ADAM7: variants seen among roughly 807,000 people sequenced by gnomAD.
ADAM7 encodes ADAM metallopeptidase domain 7.
A neutral mutation model predicts 102.9 loss-of-function variants in ADAM7; 97 were observed. That is an observed-to-expected ratio of 0.94 (90% CI 0.80 to 1.12). The LOEUF (loss-of-function observed/expected upper bound fraction) is 1.12. Ranked by LOEUF, ADAM7 falls within the 50% of genes most tolerant of loss-of-function variation. ADAM7 has a pLI of 0.00. For missense variants in ADAM7, 991 were observed against 908.7 expected (o/e 1.09, Z -1.16); for synonymous variants, 334 against 304.4 (o/e 1.10, Z -1.01).
At chr8:24,453,734 A>T (rs11992477) in intron 3 of ADAM7, among the ~76,000 whole-genome samples, 9,942 of 152,178 alleles carry the variant, frequency 0.065, 493 homozygotes, top group African/African-American at 0.13. Context: ...GCTCTCCTTT[A>T]TAGAGTTTCC....
chr8:24,446,870 A>T (rs549586900), intron 2 of ADAM7, among the ~76,000 whole-genome samples: 1 of 148,956 alleles, frequency 6.7e-6, no homozygotes, highest in Non-Finnish European at 1.5e-5. Flanking sequence ...CTATATTATA[A>T]CATGCTATGT....
chr8:24,486,862 T>TA (rs538270830), intron 10 of ADAM7, among the ~76,000 whole-genome samples: 73 of 152,270 alleles, frequency 4.8e-4, no homozygotes, highest in African/African-American at 1.7e-3. Flanking sequence ...TTTGAAGAGG[T>TA]AAAAATCATA....
chr8:24,469,255 A>G (rs745352693), intron 7 of ADAM7, among the ~76,000 whole-genome samples: 1 of 152,148 alleles, frequency 6.6e-6, no homozygotes, highest in Non-Finnish European at 1.5e-5. Context: ...GAAGCACAAT[A>G]CTGAAATTTG....
chr8:24,508,774 TGTG>T lies in ADAM7; in HGVS notation c.*231_*233del. 3.0e-6 allele frequency: 4 copies of T among 1,353,926 alleles called. No homozygotes were observed. The highest frequency in any genetic ancestry group is 2.1e-5 in the South Asian group (1 of 48,696). 83.9% of individuals were successfully genotyped at this position (1,353,926 alleles called of 1,614,324 possible). A position where few individuals can be genotyped will look rare whatever the true frequency, so the allele number is the denominator to read the frequency against. ...CATATGCTGCAGAAAAAAAATGTCT[TGTG>T]GTCTTTCAAATGCTCTTTAGCACAA... On this transcript the variant is annotated 3_prime_UTR_variant, in exon 22 of 22. Transcript: ENST00000175238.
At chr8:24,459,454 T>A (rs989697512) in intron 3 of ADAM7, among the ~76,000 whole-genome samples, 4 of 151,074 alleles carry the variant, frequency 2.6e-5, no homozygotes, top group Non-Finnish European at 4.4e-5. Context: ...TTATTTATTT[T>A]TATTTTTTGT....
intron 13 of ADAM7, 84 bp from the exon 14 acceptor site, chr8:24,491,819 G>A: frequency 8.5e-7 from 1 of 1,172,236 alleles, no homozygotes; most frequent in Non-Finnish European, 1.2e-6. Context: ...TTTTTTGGAT[G>A]AATGGGTCAA....
chr8:24,490,557 C>T, intron 12 of ADAM7: 1 of 412,604 alleles, frequency 2.4e-6, no homozygotes. Context: ...AAATGTTGGA[C>T]TCTCTAATTC....
intron 3 of ADAM7, among the ~76,000 whole-genome samples, chr8:24,456,013 C>T (rs543741953): frequency 6.6e-6 from 1 of 151,560 alleles, no homozygotes; most frequent in Non-Finnish European, 1.5e-5. Flanking sequence ...ATTATTTACT[C>T]TCACTATTAT....
At chr8:24,472,289 A>T (rs1819633728) in intron 7 of ADAM7, among the ~76,000 whole-genome samples, 1 of 152,032 alleles carries the variant, frequency 6.6e-6, no homozygotes, top group African/African-American at 2.4e-5. Flanking sequence ...TGCATTTAAA[A>T]AAAAAGAATA....
Position 24,466,886 on chromosome 8 carries a change from C to T in ADAM7, c.477C>T (p.Asn159=), listed in dbSNP as rs745430698. The change falls in exon 6 of 22, where the codon AAC becomes AAT. Residue 159 remains asparagine (N), a synonymous_variant. Coordinates refer to ENST00000175238, the MANE Select transcript of ADAM7 (RefSeq NM_003817.4). ...DEGEHLVFKY[N]LRVPYGANYS... ...GAGAACATTTGGTGTTCAAATATAACCTGAGGGTGCCGTATGGTGCCAATT... is the reference window on the plus strand; with the variant it reads ...GAGAACATTTGGTGTTCAAATATAATCTGAGGGTGCCGTATGGTGCCAATT... 1 of 1,613,926 alleles carries T rather than the reference C, an allele frequency of 6.2e-7. No homozygotes were observed. Among genetic ancestry groups the T allele is most frequent in the South Asian group, 1.1e-5 (1 of 91,068 alleles).
At chr8:24,443,561 C>G (rs1023946035) in intron 2 of ADAM7, among the ~76,000 whole-genome samples, 8 of 152,196 alleles carry the variant, frequency 5.3e-5, no homozygotes, top group Non-Finnish European at 1.5e-5. Context: ...GGGCTTTCAC[C>G]AGCTTTCTAC....
At chr8:24,465,412 G>A (rs1466721585) in intron 4 of ADAM7, among the ~76,000 whole-genome samples, 1 of 152,122 alleles carries the variant, frequency 6.6e-6, no homozygotes, top group Non-Finnish European at 1.5e-5. Flanking sequence ...CTAAGGAAAA[G>A]GTCACAATTC....
chr8:24,490,321 T>C (rs1226087246), intron 12 of ADAM7: 7 of 153,224 alleles, frequency 4.6e-5, no homozygotes, highest in African/African-American at 9.6e-5. Context: ...CCACACTCCA[T>C]TTTCTTTGAG....
chr8:24,454,645 C>T (rs1467678737), intron 3 of ADAM7, among the ~76,000 whole-genome samples: 11 of 152,158 alleles, frequency 7.2e-5, no homozygotes, highest in Admixed American at 2.0e-4. Context: ...TGCTCGTGCA[C>T]GGTGCGCTGC....
At chr8:24,460,023 C>T (rs1415398558) in intron 3 of ADAM7, among the ~76,000 whole-genome samples, 5 of 151,840 alleles carry the variant, frequency 3.3e-5, no homozygotes, top group Non-Finnish European at 7.4e-5. Flanking sequence ...GGGATTTCTT[C>T]TTTGAGTCAT....
Position 24,468,961 on chromosome 8 carries a change from T to C in ADAM7, c.633+141T>C, listed in dbSNP as rs1489225140. The C allele has an allele frequency of 7.0e-6, 5 of 717,668 alleles. No individual in the cohort carries two copies. The African/African-American group carries it at 7.2e-5, about 10-fold the overall frequency. The allele number at this position is 717,668 out of a possible 1,614,324, so 44.5% of individuals were successfully genotyped here. ...TATTTTTAGCTTCCCAAAACAGACA[T>C]ACATAAGAGATTATGGGGTCCTTTG... is the stretch of plus-strand genomic sequence containing the variant. On this transcript the variant is annotated intron_variant, in intron 7 of 21. Transcript: ENST00000175238.
chr8:24,501,273 G>A (rs1237118095), intron 19 of ADAM7, among the ~76,000 whole-genome samples: 3 of 152,036 alleles, frequency 2.0e-5, no homozygotes, highest in Admixed American at 6.6e-5. Flanking sequence ...CCCACATCAA[G>A]AATCAGGTGA....
chr8:24,444,847 T>C lies in ADAM7; in HGVS notation c.156+2271T>C, dbSNP rs564523239. Among the ~76,000 whole-genome samples, 194 of 152,226 alleles carry C rather than the reference T, an allele frequency of 1.3e-3. 1 individual carries two copies. The highest frequency in any genetic ancestry group is 4.5e-3 in the African/African-American group (186 of 41,534). ...AGACCTGAATAACTATAATTAATAGTAGTTTATGAATCTGGGCTTATTCGT... is the reference window on the plus strand; with the variant it reads ...AGACCTGAATAACTATAATTAATAGCAGTTTATGAATCTGGGCTTATTCGT... On this transcript the variant is annotated intron_variant, in intron 2 of 21. Transcript: ENST00000175238.
At chr8:24,484,308 C>T (rs1022115420) in intron 9 of ADAM7, among the ~76,000 whole-genome samples, 49 of 152,282 alleles carry the variant, frequency 3.2e-4, no homozygotes, top group African/African-American at 1.2e-3. Flanking sequence ...AATCTGACCA[C>T]CTATCTTGTC....
Sources: allele counts gnomAD v4.1 joint callset (sites outside exome capture counted in the v4.1 genomes callset), GRCh38; gene constraint gnomAD v4.1.1; transcripts MANE v1.5; gene names NCBI Gene and HGNC (gene_info 2026-07-23, HGNC 2026-07-21).